Variants in TMPRSS12 observed in about 807,000 individuals in gnomAD.
TMPRSS12 encodes the protein transmembrane protease serine 12.
Under a neutral mutation model 26.0 loss-of-function variants are expected in TMPRSS12, and 25 were observed. The ratio of observed to expected loss-of-function variants is 0.96; its 90% CI spans 0.70 to 1.34. The LOEUF (loss-of-function observed/expected upper bound fraction) is 1.34. TMPRSS12 is among the 40% of genes most tolerant of loss of function. The pLI is 0.00. For missense variants in TMPRSS12, 441 were observed against 440.1 expected (o/e 1.00, Z -0.02); for synonymous variants, 150 against 161.7 (o/e 0.93, Z 0.55).
At chr12:50,881,766 C>T (rs1355920872) in intron 3 of TMPRSS12, among the ~76,000 whole-genome samples, 4 of 150,180 alleles carry the variant, frequency 2.7e-5, no homozygotes, top group African/African-American at 7.3e-5. Context: ...GTCAAGAGTC[C>T]GAGACCAGCC....
chr12:50,872,743 T>TGACGTGTACATATATAG (rs767637269), intron 3 of TMPRSS12, among the ~76,000 whole-genome samples: 1 of 23,198 alleles, frequency 4.3e-5, no homozygotes, highest in Admixed American at 4.1e-4. Context: ...TACATATATA[T>TGACGTGTACATATATAG]ACGTCTATAT....
intron 3 of TMPRSS12, among the ~76,000 whole-genome samples, chr12:50,863,536 TAGG>T (rs1226305711): frequency 6.6e-6 from 1 of 152,184 alleles, no homozygotes; most frequent in Non-Finnish European, 1.5e-5. Context: ...TGTCCTTCAA[TAGG>T]AGAATGCTTA....
chr12:50,867,386 A>G (rs150151225), intron 3 of TMPRSS12, among the ~76,000 whole-genome samples: 7 of 152,356 alleles, frequency 4.6e-5, no homozygotes, highest in South Asian at 2.1e-4. Context: ...AGAAATTCAG[A>G]GCTCAAAGTC....
chr12:50,882,511 C>A (rs2139738608), intron 3 of TMPRSS12, among the ~76,000 whole-genome samples: 1 of 151,984 alleles, frequency 6.6e-6, no homozygotes, highest in Non-Finnish European at 1.5e-5. Flanking sequence ...GAAAAAACAA[C>A]AAACCACTGG....
chr12:50,858,646 T>A lies in TMPRSS12; in HGVS notation c.384-139T>A, dbSNP rs996310690. On this transcript the variant is annotated intron_variant, in intron 2 of 4. Coordinates refer to ENST00000398458, the MANE Select transcript of TMPRSS12 (RefSeq NM_182559.3). ...CTTCCCTAGATCATGATATTTGTGT[T>A]ATTTGATATTTTATGTCACATGAAA... The A allele has an allele frequency of 3.7e-5, 24 of 643,210 alleles. 1 individual carries two copies. In the African/African-American group the frequency reaches 4.1e-4, roughly 11 times the overall value. The allele number at this position is 643,210 out of a possible 1,614,324, so 39.8% of individuals were successfully genotyped here.
intron 2 of TMPRSS12, among the ~76,000 whole-genome samples, chr12:50,846,393 G>T (rs1937767851): frequency 1.3e-5 from 2 of 152,118 alleles, no homozygotes; most frequent in African/African-American, 4.8e-5. Flanking sequence ...CTATTGAAAA[G>T]TTTGTCCTTT....
chr12:50,861,638 A>G (rs540039653), intron 3 of TMPRSS12, among the ~76,000 whole-genome samples: 1 of 152,300 alleles, frequency 6.6e-6, no homozygotes. Context: ...GCATTATCTC[A>G]TTTAATACCC....
chr12:50,854,638 C>T (rs1440445607), intron 2 of TMPRSS12, among the ~76,000 whole-genome samples: 12 of 152,004 alleles, frequency 7.9e-5, no homozygotes, highest in Admixed American at 7.2e-4. Flanking sequence ...AGTCAATGTA[C>T]AAAAATCAGC....
chr12:50,843,715 T>C, intron 1 of TMPRSS12, 127 bp from the exon 2 acceptor site: 1 of 933,642 alleles, frequency 1.1e-6, no homozygotes, highest in Non-Finnish European at 1.5e-6. Flanking sequence ...TGGGCGTGTC[T>C]CCGGTATGTT....
chr12:50,857,859 C>T (rs1369699716), intron 2 of TMPRSS12, among the ~76,000 whole-genome samples: 2 of 151,764 alleles, frequency 1.3e-5, no homozygotes, highest in South Asian at 2.1e-4. Context: ...GACAGAGGCT[C>T]GCTCTGTCGC....
At chr12:50,872,640 G>A (rs1266691026) in intron 3 of TMPRSS12, among the ~76,000 whole-genome samples, 2 of 58,210 alleles carry the variant, frequency 3.4e-5, no homozygotes, top group African/African-American at 1.3e-4. Context: ...TATATATGAC[G>A]TATATGTACA....
At chr12:50,864,305 C>T (rs1016306605) in intron 3 of TMPRSS12, among the ~76,000 whole-genome samples, 5 of 151,972 alleles carry the variant, frequency 3.3e-5, no homozygotes, top group Admixed American at 3.3e-4. Flanking sequence ...AAGAATATAA[C>T]CAGATAAAGT....
chr12:50,858,012 T>G (rs546335062), intron 2 of TMPRSS12, among the ~76,000 whole-genome samples: 3 of 152,106 alleles, frequency 2.0e-5, no homozygotes, highest in South Asian at 4.1e-4. Flanking sequence ...TGTTGTTGTT[T>G]TTTGTATTTT....
chr12:50,881,950 C>T (rs1337258559), intron 3 of TMPRSS12, among the ~76,000 whole-genome samples: 3 of 102,524 alleles, frequency 2.9e-5, no homozygotes, highest in African/African-American at 1.2e-4. Flanking sequence ...CAGCCCAGGG[C>T]GAGACCACTT....
At chr12:50,847,223 T>G (rs1937778897) in intron 2 of TMPRSS12, among the ~76,000 whole-genome samples, 1 of 152,054 alleles carries the variant, frequency 6.6e-6, no homozygotes. Flanking sequence ...CATGCCTGGC[T>G]AATTTTTGTA....
chr12:50,885,617 T>G, intron 4 of TMPRSS12: 1 of 620,480 alleles, frequency 1.6e-6, no homozygotes, highest in Non-Finnish European at 2.8e-6. Context: ...TTTTTAATCA[T>G]TACCTTTGAG....
intron 1 of TMPRSS12, 128 bp downstream of exon 1, chr12:50,843,279 GC>G: frequency 2.3e-6 from 2 of 871,318 alleles, no homozygotes; most frequent in Non-Finnish European, 3.3e-6. Flanking sequence ...ACATACCTAA[GC>G]AGTTTCTAGA....
In TMPRSS12 at chr12:50,843,009, C is replaced by A; in HGVS notation, c.45C>A (p.Ser15Arg). The A allele has an allele frequency of 6.2e-7, 1 of 1,606,364 alleles. No homozygotes were observed. Among genetic ancestry groups the A allele is most frequent in the Non-Finnish European group, 8.5e-7 (1 of 1,176,610 alleles). ...GCGTGGCGCTGTTGTTTGTGGGGAG[C>A]TCTCACTTATACTCAGACCACTACT... is the stretch of plus-strand genomic sequence containing the variant. ...LLSVALLFVG[S>R]SHLYSDHYSP... Residue 15 changes from serine to arginine, a missense_variant, in exon 1 of 5, where the codon AGC becomes AGA. By Grantham distance (110) the Ser-to-Arg change is moderately radical. Transcript: ENST00000398458.
In TMPRSS12 at chr12:50,843,063, C is replaced by A; in HGVS notation, c.99C>A (p.Pro33=). The change falls in exon 1 of 5, where the codon CCC becomes CCA. Residue 33 remains proline, a synonymous_variant. Coordinates refer to ENST00000398458, the MANE Select transcript of TMPRSS12 (RefSeq NM_182559.3). The part of the protein sequence containing the change: ...YSPSGRHRLG[P]SPEPAASSQQ... Reference sequence around the variant, plus strand: ...CCTCTGGAAGGCACAGGCTCGGCCCCTCGCCGGAACCGGCGGCTAGTTCCC... The same window carrying A: ...CCTCTGGAAGGCACAGGCTCGGCCCATCGCCGGAACCGGCGGCTAGTTCCC... The A allele has an allele frequency of 6.3e-7, 1 of 1,595,372 alleles. No individual in the cohort carries two copies. Among genetic ancestry groups the A allele is most frequent in the Non-Finnish European group, 8.5e-7 (1 of 1,171,496 alleles).
Sources: gnomAD v4.1 joint callset for allele counts (sites outside exome capture counted in the v4.1 genomes callset) on GRCh38, gnomAD v4.1.1 for gene constraint, MANE v1.5 for transcripts, NCBI Gene and HGNC (gene_info 2026-07-23, HGNC 2026-07-21) for gene names.